XKR5: variants seen among roughly 807,000 people sequenced by gnomAD.
XKR5 encodes XK related 5.
A neutral mutation model predicts 40.8 loss-of-function variants in XKR5; 46 were observed. The observed-to-expected ratio is 1.13, with a 90% CI of 0.89 to 1.44. XKR5 has a LOEUF of 1.44. Ranked by LOEUF, XKR5 falls within the 40% of genes most tolerant of loss-of-function variation. XKR5 has a pLI of 0.00. For synonymous variants in XKR5, 466 were observed against 356.1 expected, an observed-to-expected ratio of 1.31 and a Z score of -3.48; for missense variants, 1,169 against 844.7, an observed-to-expected ratio of 1.38 and a Z score of -4.76.
chr8:6,824,749 C>T (rs1310447774), intron 3 of XKR5, among the ~76,000 whole-genome samples: 1 of 152,148 alleles, frequency 6.6e-6, no homozygotes, highest in Non-Finnish European at 1.5e-5. Flanking sequence ...TCTTGAGCTC[C>T]TGGGCTCAAG....
At chr8:6,826,475 G>C in intron 2 of XKR5, among the ~76,000 whole-genome samples, 1 of 152,274 alleles carries the variant, frequency 6.6e-6, no homozygotes, top group East Asian at 1.9e-4. Context: ...GCAGGAAATA[G>C]TGGAGTTGGA....
rs1172136157 is a variant in XKR5, at chr8:6,812,193, T to TC, written c.1065dup (p.Lys356GlufsTer15). 6.4e-7 allele frequency: 1 copy of TC among 1,551,808 alleles called. No individual in the cohort carries two copies. Among genetic ancestry groups the TC allele is most frequent in the Admixed American group, 2.0e-5 (1 of 51,014 alleles). ...CATGAGCCTGAGCTCTCGGTTCTCT[T>TC]CCCAGCTAGATCTGTGGCCCGGGGA... is the stretch of plus-strand genomic sequence containing the variant. On this transcript the variant is annotated frameshift_variant, in exon 7 of 7. Transcript: ENST00000618742. LOFTEE classifies it low-confidence loss of function (END_TRUNC).
chr8:6,812,582 A>G (rs1391434379), intron 6 of XKR5, among the ~76,000 whole-genome samples: 1 of 152,206 alleles, frequency 6.6e-6, no homozygotes, highest in Non-Finnish European at 1.5e-5. Context: ...GATTGATTCT[A>G]TGCTTTTGTC....
Position 6,835,421 on chromosome 8 carries a change from G to A in XKR5, c.58+15C>T, listed in dbSNP as rs1348474658. The A allele has an allele frequency of 6.8e-7, 1 of 1,471,340 alleles. No homozygotes were observed. Among genetic ancestry groups the A allele is most frequent in the Non-Finnish European group, 8.9e-7 (1 of 1,118,090 alleles). 91.1% of individuals were successfully genotyped at this position (1,471,340 alleles called of 1,614,324 possible). ...GGCTGCAGGGGTGAGCACAGCCTCGGGCTGCCGCACTCACGCGCGCTCTGC... is the reference window on the plus strand; with the variant it reads ...GGCTGCAGGGGTGAGCACAGCCTCGAGCTGCCGCACTCACGCGCGCTCTGC... On this transcript the variant is annotated intron_variant, in intron 1 of 6. Transcript: ENST00000618742.
chr8:6,820,106 A>T (rs1804165852), intron 5 of XKR5, among the ~76,000 whole-genome samples: 1 of 152,242 alleles, frequency 6.6e-6, no homozygotes, highest in Non-Finnish European at 1.5e-5. Flanking sequence ...ACTCTCATAC[A>T]GTTCAGAACC....
intron 2 of XKR5, 98 bp from the exon 3 acceptor site, chr8:6,825,447 T>G (rs1804422106): frequency 5.6e-6 from 7 of 1,239,730 alleles, no homozygotes; most frequent in Non-Finnish European, 6.5e-6. Context: ...CTAAGCAATA[T>G]CCTATGCCCT....
rs753681366 is a variant in XKR5 at position 6,823,722 on chromosome 8, T to C, written c.436A>G (p.Thr146Ala). The C allele has an allele frequency of 4.8e-5, 76 of 1,575,168 alleles. No individual in the cohort carries two copies. Among genetic ancestry groups the C allele is most frequent in the Non-Finnish European group, 6.4e-5 (74 of 1,160,720 alleles). The stretch of plus-strand genomic sequence containing the variant: ...GAGAGTGAGGACCAGGAAAACAGGG[T>C]GCTCACCCCTGAAAGGGAAGCAGAA... ...DFTDIVPGVS[T>A]LFSWSSLSWA... Residue 146 changes from threonine to alanine, a missense_variant, in exon 4 of 7, where the codon ACC (threonine) becomes GCC (alanine). Transcript: ENST00000618742.
At chr8:6,826,633 A>G (rs543131871) in intron 2 of XKR5, among the ~76,000 whole-genome samples, 23 of 152,286 alleles carry the variant, frequency 1.5e-4, no homozygotes, top group African/African-American at 5.3e-4. Context: ...GAATTTCTTC[A>G]GCAGTGAGGA....
intron 1 of XKR5, among the ~76,000 whole-genome samples, chr8:6,834,474 G>C (rs75503828): frequency 0.018 from 2,716 of 152,332 alleles, 91 homozygotes; most frequent in African/African-American, 0.062. Flanking sequence ...TGCCCAGCTG[G>C]AGGGCAAGGG....
chr8:6,834,705 G>A (rs1387931173), intron 1 of XKR5, among the ~76,000 whole-genome samples: 1 of 152,198 alleles, frequency 6.6e-6, no homozygotes, highest in Non-Finnish European at 1.5e-5. Flanking sequence ...CCGGGAAAAA[G>A]CTTCCGCAGG....
intron 4 of XKR5, among the ~76,000 whole-genome samples, chr8:6,822,311 G>A (rs1009166705): frequency 2.6e-5 from 4 of 152,148 alleles, no homozygotes; most frequent in African/African-American, 9.7e-5. Context: ...GCCAAATATT[G>A]TATACCTATG....
chr8:6,822,144 C>G (rs1289107728), intron 4 of XKR5, 106 bp from the exon 5 acceptor site: 3 of 1,147,390 alleles, frequency 2.6e-6, no homozygotes, highest in South Asian at 3.3e-5. Flanking sequence ...ACATTTGACT[C>G]AGCATCCAAG....
intron 2 of XKR5, 62 bp from the exon 3 acceptor site, chr8:6,825,411 G>A: frequency 7.0e-7 from 1 of 1,437,628 alleles, no homozygotes; most frequent in Non-Finnish European, 9.2e-7. Context: ...AATAGGACGA[G>A]CTTTCATTTA....
At chr8:6,816,594 A>T (rs577432691) in intron 5 of XKR5, among the ~76,000 whole-genome samples, 1 of 151,410 alleles carries the variant, frequency 6.6e-6, no homozygotes, top group East Asian at 1.9e-4. Context: ...AACAAATGAC[A>T]TAATTCAAAG....
At chr8:6,819,944 G>A (rs1337238599) in intron 5 of XKR5, among the ~76,000 whole-genome samples, 1 of 143,778 alleles carries the variant, frequency 7.0e-6, no homozygotes, top group East Asian at 2.1e-4. Context: ...TTCATTTATT[G>A]TAAATTATTT....
At position 6,811,518 on chromosome 8, in the gene XKR5, C is replaced by T; in HGVS notation, c.1741G>A (p.Ala581Thr). 6.5e-7 allele frequency: 1 copy of T among 1,530,324 alleles called. No individual in the cohort carries two copies. Among genetic ancestry groups the T allele is most frequent in the Non-Finnish European group, 8.7e-7 (1 of 1,142,912 alleles). 94.8% of individuals were successfully genotyped at this position (1,530,324 alleles called of 1,614,324 possible). A position where few individuals can be genotyped will look rare whatever the true frequency, so the allele number is the denominator to read the frequency against. ...RLGKSSPAQP[A>T]SPHPVGLAPF... ...GCCAAGCCCACTGGGTGGGGCGATG[C>T]AGGCTGGGCAGGGCTGCTCTTTCCC... The change falls in exon 7 of 7, where the codon GCA (alanine) becomes ACA (threonine). Residue 581 changes from alanine (A) to threonine (T), a missense_variant. Ala to Thr is a moderately conservative substitution (Grantham distance 58). Coordinates refer to ENST00000618742, the MANE Select transcript of XKR5 (RefSeq NM_207411.5).
intron 2 of XKR5, 54 bp downstream of exon 2, chr8:6,832,663 C>T (rs2117123082): frequency 5.0e-6 from 8 of 1,595,480 alleles, no homozygotes; most frequent in Non-Finnish European, 6.8e-6. Flanking sequence ...GAAGATTCCT[C>T]TCACTGCACT....
chr8:6,825,116 C>T, intron 3 of XKR5, 49 bp downstream of exon 3: 4 of 1,603,488 alleles, frequency 2.5e-6, no homozygotes. Context: ...ACATTCCTGT[C>T]CCCCTTCGGC....
At chr8:6,829,826 CTTTTTTTTTTTTT>C (rs140715953) in intron 2 of XKR5, among the ~76,000 whole-genome samples, 39 of 63,566 alleles carry the variant, frequency 6.1e-4, no homozygotes, top group African/African-American at 2.6e-3. Context: ...CAAATTCTTG[CTTTTTTTTTTTTT>C]TTTTTTTTTT....
Sources: allele counts gnomAD v4.1 joint callset (sites outside exome capture counted in the v4.1 genomes callset), GRCh38; gene constraint gnomAD v4.1.1; transcripts MANE v1.5; gene names NCBI Gene and HGNC (gene_info 2026-07-23, HGNC 2026-07-21).